SYN3: variants seen among roughly 807,000 people sequenced by gnomAD.
The protein encoded by SYN3 is synapsin-3.
Under a neutral mutation model 65.8 loss-of-function variants are expected in SYN3, and 35 were observed. The observed-to-expected ratio is 0.53, with a 90% CI of 0.41 to 0.70. The LOEUF (loss-of-function observed/expected upper bound fraction) is 0.70, where lower values mean the gene tolerates loss of function less well. Among genes scored for constraint, SYN3 ranks in the 30% least tolerant of loss-of-function variants. The pLI is 0.00. For synonymous variants in SYN3, 270 were observed against 292.9 expected, an observed-to-expected ratio of 0.92 and a Z score of 0.80; for missense variants, 680 against 749.0, an observed-to-expected ratio of 0.91 and a Z score of 1.08.
At chr22:32,864,692 G>A in intron 6 of SYN3, 1 of 412,644 alleles carries the variant, frequency 2.4e-6, no homozygotes, top group South Asian at 4.1e-5. Flanking sequence ...CAAGGAATGT[G>A]GTTCACCTTT....
rs1221895571 is a variant in SYN3, at chr22:32,512,858, A to C, written c.*834T>G. The C allele has an allele frequency of 6.6e-6, 1 of 152,250 alleles. No individual in the cohort carries two copies. Among genetic ancestry groups the C allele is most frequent in the Non-Finnish European group, 1.5e-5 (1 of 68,048 alleles). The allele number at this position is 152,250 out of a possible 1,614,324, so 9.4% of individuals were successfully genotyped here. On this transcript the variant is annotated 3_prime_UTR_variant, in exon 14 of 14. Coordinates refer to ENST00000358763, the MANE Select transcript of SYN3 (RefSeq NM_003490.4). ...TGGTGGGAGGCCAGAGAGATCAAAC[A>C]GTGGTGGAACAGAATGGGTACAGGA...
At chr22:32,746,190 C>G (rs149301756) in intron 6 of SYN3, among the ~76,000 whole-genome samples, 61 of 152,274 alleles carry the variant, frequency 4.0e-4, no homozygotes, top group African/African-American at 1.3e-3. Flanking sequence ...AGATGCTGCA[C>G]AAGGATCAGG....
At chr22:32,698,366 A>T (rs939210346) in intron 6 of SYN3, among the ~76,000 whole-genome samples, 3 of 152,022 alleles carry the variant, frequency 2.0e-5, no homozygotes, top group African/African-American at 7.3e-5. Flanking sequence ...TATCACTCTT[A>T]CCTTATCAGA....
At chr22:32,539,057 G>T (rs777824169) in intron 8 of SYN3, among the ~76,000 whole-genome samples, 1 of 152,200 alleles carries the variant, frequency 6.6e-6, no homozygotes, top group African/African-American at 2.4e-5. Context: ...AAGACTGAAC[G>T]AGTTTAAGCA....
At chr22:32,986,743 C>T (rs1169229554) in intron 2 of SYN3, among the ~76,000 whole-genome samples, 2 of 152,162 alleles carry the variant, frequency 1.3e-5, no homozygotes, top group African/African-American at 4.8e-5. Flanking sequence ...GCCTCCTCTT[C>T]CCACCCTAAT....
At chr22:32,736,412 C>T (rs2061337098) in intron 6 of SYN3, among the ~76,000 whole-genome samples, 1 of 152,210 alleles carries the variant, frequency 6.6e-6, no homozygotes, top group Non-Finnish European at 1.5e-5. Flanking sequence ...CTGCTTGTAT[C>T]AACAGTTTGT....
rs9609677 is a variant in SYN3, at chr22:32,989,557, G to A, written c.312-8855C>T. Among the ~76,000 whole-genome samples the A allele has an allele frequency of 3.3e-4, 50 of 152,082 alleles. 2 individuals carry two copies. The South Asian group carries it at 9.8e-3, about 30-fold the overall frequency. ...TAGGGTAAATAAAGTCATCAGGGCC[G>A]GGCACGGTGGCTTATGCCTGTAATC... On this transcript the variant is annotated intron_variant, in intron 2 of 13. Transcript: ENST00000358763.
At chr22:32,551,682 G>T (rs1011315506) in intron 7 of SYN3, among the ~76,000 whole-genome samples, 1 of 152,064 alleles carries the variant, frequency 6.6e-6, no homozygotes, top group Admixed American at 6.6e-5. Context: ...TGATATTAAA[G>T]AATTATTATT....
chr22:32,616,545 C>T (rs977024773), intron 6 of SYN3, among the ~76,000 whole-genome samples: 14 of 152,190 alleles, frequency 9.2e-5, no homozygotes, highest in African/African-American at 3.1e-4. Context: ...AATAGCATCC[C>T]TAGTTCACAA....
At chr22:32,544,483 A>T (rs1414918113) in intron 7 of SYN3, among the ~76,000 whole-genome samples, 2 of 152,132 alleles carry the variant, frequency 1.3e-5, no homozygotes, top group Admixed American at 1.3e-4. Flanking sequence ...CCTGAGACTG[A>T]TTTGGCCAAG....
chr22:32,949,814 A>C (rs1224770625), intron 3 of SYN3, among the ~76,000 whole-genome samples: 1 of 152,212 alleles, frequency 6.6e-6, no homozygotes, highest in Non-Finnish European at 1.5e-5. Flanking sequence ...CCAACAGGTC[A>C]ATAGGAAAGA....
chr22:32,864,884 G>A lies in SYN3; in HGVS notation c.711+31C>T, dbSNP rs376605169. 2.8e-5 allele frequency: 45 copies of A among 1,579,516 alleles called. No individual in the cohort carries two copies. The African/African-American group carries it at 5.0e-4, about 18-fold the overall frequency. On this transcript the variant is annotated intron_variant, in intron 6 of 13. Transcript: ENST00000358763. Reference sequence around the variant, plus strand: ...GTCATCTGTATTCATTCCGCATCATGCAAAGAAACAGAGTAAAAAAGGGCA... The same window carrying A: ...GTCATCTGTATTCATTCCGCATCATACAAAGAAACAGAGTAAAAAAGGGCA...
chr22:32,710,557 T>G (rs1338597895), intron 6 of SYN3, among the ~76,000 whole-genome samples: 8 of 147,324 alleles, frequency 5.4e-5, no homozygotes, highest in Non-Finnish European at 7.4e-5. Context: ...TGCTTGAGCC[T>G]GGGAGGCAGA....
At chr22:32,602,048 GT>G (rs1201080374) in intron 6 of SYN3, among the ~76,000 whole-genome samples, 1 of 151,558 alleles carries the variant, frequency 6.6e-6, no homozygotes, top group Non-Finnish European at 1.5e-5. Flanking sequence ...AACCAAATCA[GT>G]GTTTGCATTG....
rs1241851245 is a variant in SYN3 at position 32,801,994 on chromosome 22, C to T, written c.711+62921G>A. The T allele has an allele frequency of 6.3e-7, 1 of 1,583,972 alleles. No homozygotes were observed. The highest frequency in any genetic ancestry group is 2.3e-5 in the East Asian group (1 of 43,828). On this transcript the variant is annotated intron_variant, in intron 6 of 13. Coordinates refer to ENST00000358763, the MANE Select transcript of SYN3 (RefSeq NM_003490.4). The surrounding 1 kb of genome is among the most constrained non-coding windows in gnomAD (Gnocchi z 4.7). ...GCAGCAGCCCCGGCAGCGGCGGCAG[C>T]AGCGGCAATGACCCCTTGGCTCGGG...
chr22:32,919,659 G>A (rs147204154), intron 4 of SYN3, among the ~76,000 whole-genome samples: 2 of 152,298 alleles, frequency 1.3e-5, no homozygotes, highest in Non-Finnish European at 2.9e-5. Flanking sequence ...GAAATTAAAA[G>A]TTCAGGAAGC....
chr22:32,538,075 G>T lies in SYN3; in HGVS notation c.953C>A (p.Thr318Lys). Residue 318 changes from threonine (T) to lysine (K), a missense_variant, in exon 9 of 14, where the codon ACA becomes AAA. Coordinates refer to ENST00000358763, the MANE Select transcript of SYN3 (RefSeq NM_003490.4). ...CACCTGCTCCAGCATGGCAGAGCCT[G>T]TGTTGGCCTTCCAGTTCCCAGAGAT... ...TSISGNWKAN[T>K]GSAMLEQVAM... 2 of 1,614,196 alleles carry T rather than the reference G, an allele frequency of 1.2e-6. No homozygotes were observed. Among genetic ancestry groups the T allele is most frequent in the Non-Finnish European group, 1.7e-6 (2 of 1,180,030 alleles).
At chr22:32,730,309 A>C (rs937293814) in intron 6 of SYN3, among the ~76,000 whole-genome samples, 1 of 152,200 alleles carries the variant, frequency 6.6e-6, no homozygotes. Context: ...CATGTGCTTT[A>C]ATTGGTTCCC....
rs556442383 is a variant in SYN3, at chr22:32,882,947, A to G, written c.462-13822T>C. ...CTCTAAGCCCTTGCTTCTCTGAACT[A>G]TTCTCCACCAGGCCCTGACTGTGTC... On this transcript the variant is annotated intron_variant, in intron 4 of 13. Coordinates refer to ENST00000358763, the MANE Select transcript of SYN3 (RefSeq NM_003490.4). Among the ~76,000 whole-genome samples the G allele has an allele frequency of 3.3e-5, 5 of 151,536 alleles. No individual in the cohort carries two copies. The East Asian group carries it at 9.7e-4, about 29-fold the overall frequency.
Sources: gnomAD v4.1 joint callset for allele counts (sites outside exome capture counted in the v4.1 genomes callset) on GRCh38, gnomAD v4.1.1 for gene constraint, Gnocchi (gnomAD v3.1) non-coding constraint, MANE v1.5 for transcripts, NCBI Gene and HGNC (gene_info 2026-07-23, HGNC 2026-07-21) for gene names.